The following CACNB2 variants were observed in gnomAD, a reference collection of about 807,000 sequenced individuals.
The protein encoded by CACNB2 is calcium voltage-gated channel auxiliary subunit beta 2.
In CACNB2, 42 loss-of-function variants were observed where a neutral mutation model predicts 73.3. The ratio of observed to expected loss-of-function variants is 0.57; its 90% confidence interval spans 0.45 to 0.74. CACNB2 has a LOEUF of 0.74. CACNB2 is among the 30% of genes least tolerant of loss of function. CACNB2 has a pLI of 0.00. For missense variants in CACNB2, 940 were observed against 853.0 expected (o/e 1.10, Z -1.27); for synonymous variants, 348 against 310.3 (o/e 1.12, Z -1.28).
chr10:18,280,554 C>T (rs1418944581), intron 2 of CACNB2, among the ~76,000 whole-genome samples: 1 of 152,160 alleles, frequency 6.6e-6, no homozygotes, highest in Non-Finnish European at 1.5e-5. Flanking sequence ...TGCACCCTCA[C>T]AGGGAGCATG....
chr10:18,211,898 T>C, intron 2 of CACNB2, among the ~76,000 whole-genome samples: 1 of 152,126 alleles, frequency 6.6e-6, no homozygotes, highest in East Asian at 1.9e-4. Flanking sequence ...AACAATGACA[T>C]TATAAATATG....
chr10:18,288,571 C>G (rs891550911), intron 2 of CACNB2, among the ~76,000 whole-genome samples: 3 of 151,860 alleles, frequency 2.0e-5, no homozygotes, highest in African/African-American at 7.3e-5. Context: ...GAACTGTAAC[C>G]AATTAGTCAA....
At chr10:18,474,743 A>C (rs1162549394) in intron 3 of CACNB2, among the ~76,000 whole-genome samples, 3 of 151,804 alleles carry the variant, frequency 2.0e-5, no homozygotes, top group Non-Finnish European at 4.4e-5. Flanking sequence ...CACTACTCTC[A>C]ATTCTTCCAA....
rs919908363 is a variant in CACNB2, at chr10:18,536,125, C to G, written c.1231C>G (p.Arg411Gly). Reference sequence around the variant, plus strand: ...GGTTTTACAAAGGTTAATAAAATCTCGAGGGAAATCTCAAGCTAAACACCT... The same window carrying G: ...GGTTTTACAAAGGTTAATAAAATCTGGAGGGAAATCTCAAGCTAAACACCT... ...PKVLQRLIKS[R>G]GKSQAKHLNV... Residue 411 changes from arginine (R) to glycine (G), a missense_variant, in exon 12 of 14, where the codon CGA becomes GGA. Arg to Gly is a moderately radical substitution (Grantham distance 125, BLOSUM62 -2). Transcript: ENST00000324631. 3 of 1,609,496 alleles carry G rather than the reference C, an allele frequency of 1.9e-6. No individual in the cohort carries two copies. Among genetic ancestry groups the G allele is most frequent in the Non-Finnish European group, 2.5e-6 (3 of 1,176,482 alleles).
chr10:18,492,932 A>G (rs944812956), intron 3 of CACNB2, among the ~76,000 whole-genome samples: 16 of 152,174 alleles, frequency 1.1e-4, no homozygotes, highest in African/African-American at 3.6e-4. Flanking sequence ...GCAAATGCCT[A>G]TTAATAAGCA....
At chr10:18,212,104 G>A (rs1322622685) in intron 2 of CACNB2, among the ~76,000 whole-genome samples, 2 of 152,064 alleles carry the variant, frequency 1.3e-5, no homozygotes, top group Admixed American at 6.6e-5. Flanking sequence ...CTACAACTCA[G>A]TCAATCAGTG....
chr10:18,236,074 G>C lies in CACNB2; in HGVS notation c.213+85099G>C, dbSNP rs146359643. Among the ~76,000 whole-genome samples the C allele has an allele frequency of 1.4e-4, 22 of 152,258 alleles. No individual in the cohort carries two copies. The East Asian group carries it at 4.2e-3, about 29-fold the overall frequency. On this transcript the variant is annotated intron_variant, in intron 2 of 13. Coordinates refer to ENST00000324631, the MANE Select transcript of CACNB2 (RefSeq NM_201596.3). ...CATATTCATCCATGTTTCCTGTACA[G>C]CCTGTGGAACCGTGAGCCAATTAAA...
At chr10:18,467,433 T>A (rs2047955178) in intron 3 of CACNB2, among the ~76,000 whole-genome samples, 1 of 152,172 alleles carries the variant, frequency 6.6e-6, no homozygotes, top group Non-Finnish European at 1.5e-5. Context: ...TGCCAGCAAC[T>A]GGGAAAACAA....
At chr10:18,259,749 A>G (rs1275547220) in intron 2 of CACNB2, among the ~76,000 whole-genome samples, 11 of 151,058 alleles carry the variant, frequency 7.3e-5, no homozygotes, top group Non-Finnish European at 1.6e-4. Flanking sequence ...AAAAAAAAAA[A>G]AAAATTAAGC....
chr10:18,367,209 A>AT lies in CACNB2; in HGVS notation c.214-34703dup, dbSNP rs75340843. Among the ~76,000 whole-genome samples, 288 of 150,114 alleles carry AT rather than the reference A, an allele frequency of 1.9e-3. 1 individual carries two copies. The highest frequency in any genetic ancestry group is 4.4e-3 in the African/African-American group (182 of 40,968). On this transcript the variant is annotated intron_variant, in intron 2 of 13. Transcript: ENST00000324631. ...CTAACAGTAATATAAAACAAATAGT[A>AT]TTTTTTTTTTTTCCCTTAGGGACTA...
intron 2 of CACNB2, among the ~76,000 whole-genome samples, chr10:18,360,738 C>T (rs535059734): frequency 3.9e-5 from 6 of 152,286 alleles, no homozygotes; most frequent in African/African-American, 9.6e-5. Context: ...TCCTCTTAGA[C>T]GACTTGCTGG....
chr10:18,157,842 G>A (rs576761847), intron 2 of CACNB2, among the ~76,000 whole-genome samples: 2 of 152,326 alleles, frequency 1.3e-5, no homozygotes, highest in African/African-American at 2.4e-5. Context: ...ATAAAAGTTA[G>A]TCTTCTACTT....
intron 2 of CACNB2, among the ~76,000 whole-genome samples, chr10:18,311,676 A>T (rs934255804): frequency 6.6e-6 from 1 of 152,224 alleles, no homozygotes; most frequent in African/African-American, 2.4e-5. Flanking sequence ...CTTCATCCTC[A>T]TCGTCTTCCC....
intron 2 of CACNB2, among the ~76,000 whole-genome samples, chr10:18,260,003 G>A (rs1398827660): frequency 6.6e-6 from 1 of 152,154 alleles, no homozygotes; most frequent in African/African-American, 2.4e-5. Flanking sequence ...GTTAATCTGT[G>A]ACATGAAATC....
At chr10:18,238,923 A>T (rs550579480) in intron 2 of CACNB2, among the ~76,000 whole-genome samples, 12 of 152,216 alleles carry the variant, frequency 7.9e-5, no homozygotes, top group Non-Finnish European at 1.5e-4. Flanking sequence ...AACTCCTACA[A>T]TTGTGAAGTC....
intron 2 of CACNB2, among the ~76,000 whole-genome samples, chr10:18,281,266 T>A (rs1347167449): frequency 6.6e-6 from 1 of 152,194 alleles, no homozygotes; most frequent in Non-Finnish European, 1.5e-5. Context: ...TGCTTCTTAA[T>A]AAGCTAGAAC....
chr10:18,518,152 A>G (rs2133158060), intron 7 of CACNB2, among the ~76,000 whole-genome samples, 184 bp from the exon 8 acceptor site: 1 of 152,336 alleles, frequency 6.6e-6, no homozygotes, highest in South Asian at 2.1e-4. Context: ...GTAACTTGAA[A>G]CTTCAGGAAA....
chr10:18,196,475 C>T (rs1288733512), intron 2 of CACNB2, among the ~76,000 whole-genome samples: 1 of 151,890 alleles, frequency 6.6e-6, no homozygotes, highest in African/African-American at 2.4e-5. Flanking sequence ...CTCCAGCATG[C>T]CTGGCTAAAT....
intron 2 of CACNB2, among the ~76,000 whole-genome samples, chr10:18,376,537 A>C (rs747849196): frequency 6.6e-6 from 1 of 152,244 alleles, no homozygotes; most frequent in East Asian, 1.9e-4. Flanking sequence ...GAATTATTTT[A>C]GATAAAATAA....
Sources: allele counts gnomAD v4.1 joint callset (sites outside exome capture counted in the v4.1 genomes callset), GRCh38; gene constraint gnomAD v4.1.1; transcripts MANE v1.5; gene names NCBI Gene and HGNC (gene_info 2026-07-23, HGNC 2026-07-21).